The following AFG2A variants were observed in gnomAD, a reference collection of about 807,000 sequenced individuals.
AFG2A encodes ATPase family gene 2 protein homolog A.
the AFG2A span, among the ~76,000 whole-genome samples, chr4:122,945,699 C>T: frequency 6.6e-6 from 1 of 152,224 alleles, no homozygotes; most frequent in Admixed American, 6.5e-5. Context: ...GAACCTGGTA[C>T]CTCAGATGGA....
chr4:123,171,887 A>G, the AFG2A span, among the ~76,000 whole-genome samples: 1 of 151,952 alleles, frequency 6.6e-6, no homozygotes, highest in East Asian at 1.9e-4. Flanking sequence ...TCCTTTTTCT[A>G]AAATTTTTAT....
the AFG2A span, among the ~76,000 whole-genome samples, chr4:123,187,452 C>A: frequency 1.6e-4 from 25 of 152,148 alleles, no homozygotes; most frequent in Non-Finnish European, 3.1e-4. Context: ...CAGGAATATA[C>A]TTTGGTCTTC....
the AFG2A span, among the ~76,000 whole-genome samples, chr4:123,018,324 T>G: frequency 6.6e-6 from 1 of 152,188 alleles, no homozygotes; most frequent in East Asian, 1.9e-4. Flanking sequence ...TTATCAGGAA[T>G]GATTTAGGTT....
the AFG2A span, among the ~76,000 whole-genome samples, chr4:123,199,661 G>A: frequency 6.6e-6 from 1 of 151,734 alleles, no homozygotes; most frequent in Non-Finnish European, 1.5e-5. Flanking sequence ...TAGTAGAGAC[G>A]GGGTTTCGCC....
chr4:122,938,342 A>G, the AFG2A span: 3 of 1,292,426 alleles, frequency 2.3e-6, no homozygotes, highest in Admixed American at 3.0e-5. Flanking sequence ...GAGTCTTTGG[A>G]TATTTTAGGA....
chr4:123,241,357 G>T, the AFG2A span, among the ~76,000 whole-genome samples: 1 of 152,160 alleles, frequency 6.6e-6, no homozygotes, highest in South Asian at 2.1e-4. Flanking sequence ...CAATATCCCT[G>T]ATGAACATCG....
chr4:123,263,474 A>T, the AFG2A span, among the ~76,000 whole-genome samples: 1 of 152,326 alleles, frequency 6.6e-6, no homozygotes, highest in East Asian at 1.9e-4. Flanking sequence ...AAACAAATGG[A>T]GATTTTACAT....
chr4:123,181,105 C>T, the AFG2A span, among the ~76,000 whole-genome samples: 1 of 151,946 alleles, frequency 6.6e-6, no homozygotes, highest in East Asian at 1.9e-4. Context: ...CTGCCTCAGC[C>T]TCCCAAGTAG....
the AFG2A span, among the ~76,000 whole-genome samples, chr4:122,946,454 C>T: frequency 2.6e-5 from 4 of 152,086 alleles, no homozygotes; most frequent in Admixed American, 6.6e-5. Context: ...TTCATAGATT[C>T]GCTGTAGTCC....
chr4:123,180,000 A>G, the AFG2A span, among the ~76,000 whole-genome samples: 49 of 152,116 alleles, frequency 3.2e-4, no homozygotes, highest in African/African-American at 1.1e-3. Flanking sequence ...CGGGAAGATC[A>G]CTTGAGGTAA....
chr4:123,199,461 G>GTTT, the AFG2A span, among the ~76,000 whole-genome samples: 1 of 73,748 alleles, frequency 1.4e-5, no homozygotes, highest in African/African-American at 3.3e-5. Context: ...TATACTCAGA[G>GTTT]GTTTTTTTTT....
chr4:123,284,525 G>A, the AFG2A span, among the ~76,000 whole-genome samples: 1 of 152,106 alleles, frequency 6.6e-6, no homozygotes, highest in African/African-American at 2.4e-5. Flanking sequence ...ATCATCAGTG[G>A]TAGATGTCAG....
the AFG2A span, among the ~76,000 whole-genome samples, chr4:123,197,979 A>G: frequency 6.6e-6 from 1 of 151,618 alleles, no homozygotes; most frequent in East Asian, 2.0e-4. Flanking sequence ...TTAAGAGCAT[A>G]AGAGAAACGA....
the AFG2A span, among the ~76,000 whole-genome samples, chr4:123,108,660 T>C: frequency 2.0e-5 from 3 of 149,822 alleles, no homozygotes; most frequent in African/African-American, 7.3e-5. Context: ...TTCCGGAACT[T>C]TTTTTTTTGT....
At chr4:123,288,686 C>T in the AFG2A span, among the ~76,000 whole-genome samples, 1 of 152,134 alleles carries the variant, frequency 6.6e-6, no homozygotes. Context: ...CCTAGTTCTG[C>T]TTCCCATAGC....
the AFG2A span, among the ~76,000 whole-genome samples, chr4:123,182,258 A>C: frequency 6.6e-6 from 1 of 152,220 alleles, no homozygotes; most frequent in Non-Finnish European, 1.5e-5. Flanking sequence ...TGGAGAAAAA[A>C]TTTTAATTTA....
chr4:123,180,170 C>T, the AFG2A span, among the ~76,000 whole-genome samples: 5 of 152,158 alleles, frequency 3.3e-5, no homozygotes, highest in South Asian at 2.1e-4. Context: ...CAGTAAGCCA[C>T]GATCATGCCA....
the AFG2A span, among the ~76,000 whole-genome samples, chr4:123,203,307 C>T: frequency 2.0e-5 from 3 of 151,734 alleles, no homozygotes; most frequent in African/African-American, 7.3e-5. Context: ...CTCTCCACCA[C>T]GCCCAGCTAA....
the AFG2A span, among the ~76,000 whole-genome samples, chr4:123,191,962 GAT>G: frequency 6.6e-6 from 1 of 151,400 alleles, no homozygotes; most frequent in Non-Finnish European, 1.5e-5. Flanking sequence ...GTTTCCTTAT[GAT>G]TTGTGGGTTT....
Sources: gnomAD v4.1 joint callset for allele counts (sites outside exome capture counted in the v4.1 genomes callset) on GRCh38, gnomAD v4.1.1 for gene constraint, MANE v1.5 for transcripts, NCBI Gene and HGNC (gene_info 2026-07-23, HGNC 2026-07-21) for gene names.